Variants in ADGRB3 observed in about 807,000 individuals in gnomAD.
The protein encoded by ADGRB3 is adhesion G protein-coupled receptor B3, also known as brain-specific angiogenesis inhibitor 3.
Under a neutral mutation model 193.4 loss-of-function variants are expected in ADGRB3, and 37 were observed. That is an observed-to-expected ratio of 0.19 (90% CI 0.15 to 0.25). ADGRB3 has a LOEUF of 0.25. ADGRB3 is among the 10% of genes least tolerant of loss of function. The pLI, the probability that ADGRB3 is intolerant of heterozygous loss-of-function variation, is 1.00. For missense variants in ADGRB3, 1,637 were observed against 1,852.9 expected (o/e 0.88, Z 2.14); for synonymous variants, 690 against 644.2 (o/e 1.07, Z -1.08).
intron 3 of ADGRB3, among the ~76,000 whole-genome samples, chr6:68,674,375 TA>T (rs1435583180): frequency 3.3e-5 from 5 of 152,272 alleles, no homozygotes; most frequent in South Asian, 2.1e-4. Flanking sequence ...CAAATAGTGA[TA>T]AAAATATTAT....
chr6:69,367,470 G>C (rs887986286), intron 29 of ADGRB3, among the ~76,000 whole-genome samples: 13 of 151,920 alleles, frequency 8.6e-5, no homozygotes, highest in African/African-American at 1.2e-4. Flanking sequence ...CTAGTTTACA[G>C]TCCCACCAAC....
intron 3 of ADGRB3, among the ~76,000 whole-genome samples, chr6:68,863,135 A>G (rs1204281933): frequency 6.6e-6 from 1 of 152,110 alleles, no homozygotes; most frequent in Non-Finnish European, 1.5e-5. Flanking sequence ...ACTTATCTAA[A>G]TGTTCTCATA....
intron 11 of ADGRB3, among the ~76,000 whole-genome samples, chr6:69,002,512 C>A (rs893862723): frequency 1.3e-5 from 2 of 152,238 alleles, no homozygotes; most frequent in African/African-American, 4.8e-5. Flanking sequence ...CCACTGCGCC[C>A]AGCCAAATCT....
intron 3 of ADGRB3, among the ~76,000 whole-genome samples, chr6:68,786,557 C>A (rs954704157): frequency 6.6e-6 from 1 of 152,102 alleles, no homozygotes; most frequent in Non-Finnish European, 1.5e-5. Context: ...GTTACTGTAG[C>A]CTTGTAGTAT....
chr6:69,321,360 A>G (rs1768452311), intron 20 of ADGRB3, among the ~76,000 whole-genome samples: 2 of 151,964 alleles, frequency 1.3e-5, no homozygotes, highest in East Asian at 3.9e-4. Flanking sequence ...GAAAATCAGA[A>G]GAATTGAATG....
intron 24 of ADGRB3, among the ~76,000 whole-genome samples, 184 bp downstream of exon 24, chr6:69,333,192 TA>T (rs1768764411): frequency 6.6e-6 from 1 of 152,222 alleles, no homozygotes. Flanking sequence ...ACCAAAAATC[TA>T]AAACTACTAT....
chr6:69,314,837 C>A (rs1383016005), intron 20 of ADGRB3, among the ~76,000 whole-genome samples: 2 of 151,442 alleles, frequency 1.3e-5, no homozygotes, highest in Non-Finnish European at 3.0e-5. Flanking sequence ...TTATTGCCAC[C>A]AAATTTTTCA....
chr6:69,154,544 T>A (rs1484582158), intron 17 of ADGRB3, among the ~76,000 whole-genome samples: 1 of 152,212 alleles, frequency 6.6e-6, no homozygotes, highest in Non-Finnish European at 1.5e-5. Flanking sequence ...CTGCCTAGAA[T>A]AATTTTGTTC....
intron 3 of ADGRB3, among the ~76,000 whole-genome samples, chr6:68,860,041 A>G (rs971612883): frequency 2.0e-5 from 3 of 152,220 alleles, no homozygotes; most frequent in African/African-American, 7.2e-5. Context: ...AATAAAATAT[A>G]TAATGAGAAT....
intron 20 of ADGRB3, among the ~76,000 whole-genome samples, chr6:69,314,957 G>T (rs756954956): frequency 6.6e-6 from 1 of 151,482 alleles, no homozygotes. Context: ...CGTGTTGATG[G>T]AGTTTATATA....
intron 3 of ADGRB3, among the ~76,000 whole-genome samples, chr6:68,837,388 A>G (rs1442041031): frequency 2.0e-5 from 3 of 152,218 alleles, no homozygotes; most frequent in African/African-American, 4.8e-5. Flanking sequence ...ATTAATTTTT[A>G]TGCTATAAAT....
intron 26 of ADGRB3, among the ~76,000 whole-genome samples, chr6:69,349,196 C>A (rs1048738662): frequency 6.6e-6 from 1 of 152,212 alleles, no homozygotes; most frequent in Non-Finnish European, 1.5e-5. Flanking sequence ...CATAATGTCC[C>A]TTTCCTTCCT....
At chr6:68,923,252 G>A (rs904494068) in intron 3 of ADGRB3, among the ~76,000 whole-genome samples, 1 of 151,988 alleles carries the variant, frequency 6.6e-6, no homozygotes, top group African/African-American at 2.4e-5. Context: ...TTTTAATAAA[G>A]CATTTTTATA....
chr6:69,241,703 C>A (rs1002946820), intron 20 of ADGRB3, among the ~76,000 whole-genome samples: 1 of 151,852 alleles, frequency 6.6e-6, no homozygotes, highest in Non-Finnish European at 1.5e-5. Flanking sequence ...TGACTTACTA[C>A]CAAAATATGA....
intron 3 of ADGRB3, among the ~76,000 whole-genome samples, chr6:68,920,859 A>G (rs1016892930): frequency 6.6e-6 from 1 of 152,196 alleles, no homozygotes; most frequent in Non-Finnish European, 1.5e-5. Flanking sequence ...TGGTTTGGTA[A>G]TACATGACAA....
At chr6:68,806,132 G>A (rs1296446747) in intron 3 of ADGRB3, among the ~76,000 whole-genome samples, 1 of 152,066 alleles carries the variant, frequency 6.6e-6, no homozygotes, top group African/African-American at 2.4e-5. Context: ...TGAAATTCAG[G>A]CAAGAAGGTA....
At chr6:69,388,081 GTATT>G (rs1359359333) in intron 31 of ADGRB3, among the ~76,000 whole-genome samples, 3 of 146,312 alleles carry the variant, frequency 2.1e-5, no homozygotes, top group Non-Finnish European at 3.0e-5. Context: ...GTTTAAAAAA[GTATT>G]TAGATAAACA....
intron 17 of ADGRB3, among the ~76,000 whole-genome samples, chr6:69,163,706 C>A (rs564857251): frequency 6.6e-6 from 1 of 152,124 alleles, no homozygotes; most frequent in Non-Finnish European, 1.5e-5. Flanking sequence ...ACTGTACAAC[C>A]CTTTCAAGGT....
chr6:69,331,890 T>A, intron 23 of ADGRB3: 1 of 985,228 alleles, frequency 1.0e-6, no homozygotes, highest in Non-Finnish European at 1.2e-6. Context: ...ATAAGTATTC[T>A]CTTGATTAAG....
Sources: gnomAD v4.1 joint callset for allele counts (sites outside exome capture counted in the v4.1 genomes callset) on GRCh38, gnomAD v4.1.1 for gene constraint, MANE v1.5 for transcripts, NCBI Gene and HGNC (gene_info 2026-07-23, HGNC 2026-07-21) for gene names.